The following PACS1 variants were observed in gnomAD, a reference collection of about 807,000 sequenced individuals.
PACS1 encodes phosphofurin acidic cluster sorting protein 1, also known as PACS-1.
PACS1 carries 24 observed loss-of-function variants against 115.0 expected under a neutral mutation model. That is an observed-to-expected ratio of 0.21 (90% CI 0.15 to 0.29). The LOEUF (loss-of-function observed/expected upper bound fraction) is 0.29, where lower values mean the gene tolerates loss of function less well. Ranked by LOEUF, PACS1 falls within the 10% of genes least tolerant of loss-of-function variation. The pLI, the probability that PACS1 is intolerant of heterozygous loss-of-function variation, is 1.00. For missense variants in PACS1, 838 were observed against 1,251.2 expected (o/e 0.67, Z 4.98); for synonymous variants, 453 against 504.5 (o/e 0.90, Z 1.37).
chr11:66,070,581 C>T lies in PACS1; in HGVS notation c.95C>T (p.Pro32Leu), dbSNP rs1428423979. The change falls in exon 1 of 24, where the codon CCG becomes CTG. Residue 32 changes from proline (P) to leucine (L), a missense_variant. Physicochemically the swap from Pro to Leu is moderately conservative, Grantham distance 98. Around this residue, in one of 6 missense-constraint regions of PACS1, gnomAD observed 129 missense variants for 109.4 expected, o/e 1.18. Transcript: ENST00000320580. The surrounding 1 kb of genome is among the most constrained non-coding windows in gnomAD (Gnocchi z 5.9). ...GGGGTCGCCCAGTCCCCTCAGCAGC[C>T]GCCGCCGCAGCAGCAGCAGCAGCAG... ...GSGVAQSPQQPPPQQQQQQPP... is the reference protein window; with the variant it reads ...GSGVAQSPQQLPPQQQQQQPP... The T allele has an allele frequency of 2.0e-6, 3 of 1,493,564 alleles. No individual in the cohort carries two copies. In the East Asian group the frequency reaches 8.6e-5, roughly 43 times the overall value. 92.5% of individuals were successfully genotyped at this position (1,493,564 alleles called of 1,614,324 possible).
chr11:66,219,078 G>GTTTGCACTCGGAAGGAC (rs1449598558), intron 7 of PACS1, among the ~76,000 whole-genome samples: 1 of 152,036 alleles, frequency 6.6e-6, no homozygotes, highest in Non-Finnish European at 1.5e-5. Context: ...GCATGAGCAG[G>GTTTGCACTCGGAAGGAC]TTTGCACTCG....
In PACS1 at chr11:66,207,513, G is replaced by A. The variant is rs74472234; in HGVS notation, c.445-2849G>A. Among the ~76,000 whole-genome samples the A allele has an allele frequency of 2.0e-4, 30 of 152,310 alleles. No individual in the cohort carries two copies. The East Asian group carries it at 5.8e-3, about 29-fold the overall frequency. ...CACAAAATCAGTGTTCAAATTTCCA[G>A]TTGTGGCATGAATCTCATAAATGTG... On this transcript the variant is annotated intron_variant, in intron 2 of 23. Coordinates refer to ENST00000320580, the MANE Select transcript of PACS1 (RefSeq NM_018026.4).
Position 66,070,945 on chromosome 11 carries a change from C to G in PACS1, c.356+103C>G, listed in dbSNP as rs1436853218. 8.6e-7 allele frequency: 1 copy of G among 1,163,174 alleles called. No individual in the cohort carries two copies. The highest frequency in any genetic ancestry group is 2.1e-5 in the South Asian group (1 of 47,832). 72.1% of individuals were successfully genotyped at this position (1,163,174 alleles called of 1,614,324 possible). A position where few individuals can be genotyped will look rare whatever the true frequency, so the allele number is the denominator to read the frequency against. On this transcript the variant is annotated intron_variant, in intron 1 of 23. Coordinates refer to ENST00000320580, the MANE Select transcript of PACS1 (RefSeq NM_018026.4). The surrounding 1 kb of genome is among the most constrained non-coding windows in gnomAD (Gnocchi z 5.9). Reference sequence around the variant, plus strand: ...CATGGGGTCCCCGCCCTCCATCTCCCCGACTGTCCCGCGGCCCGGCCTGGC... The same window carrying G: ...CATGGGGTCCCCGCCCTCCATCTCCGCGACTGTCCCGCGGCCCGGCCTGGC...
At chr11:66,223,168 C>T (rs1393557315) in intron 10 of PACS1, among the ~76,000 whole-genome samples, 2 of 151,978 alleles carry the variant, frequency 1.3e-5, no homozygotes, top group Non-Finnish European at 2.9e-5. Context: ...TCTCGGCTCA[C>T]TGCAACTTTC....
intron 22 of PACS1, among the ~76,000 whole-genome samples, chr11:66,241,856 A>G (rs929539549): frequency 6.6e-6 from 1 of 152,188 alleles, no homozygotes; most frequent in Non-Finnish European, 1.5e-5. Flanking sequence ...GAGGCTGCAG[A>G]GAGTCGCTTG....
At chr11:66,131,833 C>T (rs1254170375) in intron 1 of PACS1, among the ~76,000 whole-genome samples, 1 of 152,080 alleles carries the variant, frequency 6.6e-6, no homozygotes, top group Non-Finnish European at 1.5e-5. Context: ...ATTTACATCT[C>T]CAGTTTGATT....
chr11:66,163,469 C>G (rs990511847), intron 1 of PACS1, among the ~76,000 whole-genome samples: 1 of 151,566 alleles, frequency 6.6e-6, no homozygotes, highest in African/African-American at 2.4e-5. Flanking sequence ...TTTTGTATTG[C>G]TGCTAACATT....
chr11:66,164,457 A>G (rs1338066538), intron 1 of PACS1, among the ~76,000 whole-genome samples: 2 of 150,224 alleles, frequency 1.3e-5, no homozygotes, highest in Admixed American at 1.3e-4. Flanking sequence ...AATTTTTTTC[A>G]TTTGTGAGTA....
intron 10 of PACS1, among the ~76,000 whole-genome samples, chr11:66,227,036 A>G (rs1192519780): frequency 6.6e-6 from 1 of 152,124 alleles, no homozygotes; most frequent in Non-Finnish European, 1.5e-5. Flanking sequence ...GGTTTTCTGG[A>G]TGTTCCCACC....
chr11:66,122,620 G>A (rs1035604108), intron 1 of PACS1, among the ~76,000 whole-genome samples: 1 of 152,208 alleles, frequency 6.6e-6, no homozygotes, highest in African/African-American at 2.4e-5. Flanking sequence ...GAGTTTGAAA[G>A]AAGTCGATTT....
In PACS1 at chr11:66,232,264, C is replaced by G. The variant is rs1293155176; in HGVS notation, c.1719C>G (p.Asp573Glu). The change falls in exon 14 of 24, where the codon GAC (aspartate) becomes GAG (glutamate). Residue 573 changes from aspartate to glutamate, a missense_variant. Transcript: ENST00000320580. ...ATGTCATTCTGGTGAACACCACTGA[C>G]TGGCAGGGCCAGGTAAGTGCTGAAA... ...PENVILVNTT[D>E]WQGQYVAELL... The G allele has an allele frequency of 6.2e-7, 1 of 1,606,534 alleles. No homozygotes were observed. Among genetic ancestry groups the G allele is most frequent in the Middle Eastern group, 1.7e-4 (1 of 6,050 alleles).
At chr11:66,181,579 A>G (rs1212916408) in intron 1 of PACS1, among the ~76,000 whole-genome samples, 2 of 152,198 alleles carry the variant, frequency 1.3e-5, no homozygotes, top group African/African-American at 4.8e-5. Flanking sequence ...AGCATCTAAT[A>G]AAATAATTAT....
At chr11:66,081,093 C>T (rs1828857035) in intron 1 of PACS1, among the ~76,000 whole-genome samples, 1 of 151,794 alleles carries the variant, frequency 6.6e-6, no homozygotes, top group Admixed American at 6.6e-5. Context: ...ATTAGCTGGG[C>T]TTGGTGGCAC....
At chr11:66,202,349 A>G (rs112858547) in intron 2 of PACS1, among the ~76,000 whole-genome samples, 1 of 152,200 alleles carries the variant, frequency 6.6e-6, no homozygotes, top group African/African-American at 2.4e-5. Flanking sequence ...TCCAGACTCA[A>G]TCTATGAAAC....
chr11:66,085,984 A>G (rs1857559291), intron 1 of PACS1, among the ~76,000 whole-genome samples: 1 of 152,194 alleles, frequency 6.6e-6, no homozygotes, highest in African/African-American at 2.4e-5. Context: ...ATATGTAGCA[A>G]TGCCACTGGC....
intron 1 of PACS1, among the ~76,000 whole-genome samples, chr11:66,103,420 G>A (rs573228620): frequency 6.6e-6 from 1 of 151,754 alleles, no homozygotes; most frequent in African/African-American, 2.4e-5. Context: ...AACAACTAGA[G>A]TTACATGTGG....
chr11:66,225,716 G>T (rs952048895), intron 10 of PACS1, among the ~76,000 whole-genome samples: 1 of 152,124 alleles, frequency 6.6e-6, no homozygotes, highest in African/African-American at 2.4e-5. Context: ...TAACAACAAG[G>T]CGTGCTACTT....
At chr11:66,096,875 T>C (rs1857798837) in intron 1 of PACS1, among the ~76,000 whole-genome samples, 2 of 151,652 alleles carry the variant, frequency 1.3e-5, no homozygotes, top group South Asian at 4.2e-4. Flanking sequence ...CTTTTTTTTT[T>C]TTTTAATGTA....
At chr11:66,150,207 ATACAG>A (rs1465996829) in intron 1 of PACS1, among the ~76,000 whole-genome samples, 2 of 152,228 alleles carry the variant, frequency 1.3e-5, no homozygotes, top group Non-Finnish European at 2.9e-5. Flanking sequence ...TTGGAATCCA[ATACAG>A]TAATCTATAT....
Sources: allele counts gnomAD v4.1 joint callset (sites outside exome capture counted in the v4.1 genomes callset), GRCh38; gene constraint gnomAD v4.1.1; regional missense constraint gnomAD v4.1.1; non-coding constraint Gnocchi (gnomAD v3.1); transcripts MANE v1.5; gene names NCBI Gene and HGNC (gene_info 2026-07-23, HGNC 2026-07-21).